Variants in TRIB2 observed in about 807,000 individuals in gnomAD.
TRIB2 encodes the protein tribbles pseudokinase 2.
Under a neutral mutation model 26.8 loss-of-function variants are expected in TRIB2, and 2 were observed. The observed-to-expected ratio is 0.07, with a 90% confidence interval of 0.03 to 0.24. The LOEUF (loss-of-function observed/expected upper bound fraction) is 0.24. Ranked by LOEUF, TRIB2 falls within the 10% of genes least tolerant of loss-of-function variation. The probability of loss-of-function intolerance (pLI) is 1.00; values close to 1 mark genes in which losing one functional copy is unlikely to be tolerated. For synonymous variants in TRIB2, 189 were observed against 187.3 expected, an observed-to-expected ratio of 1.01 and a Z score of -0.08; for missense variants, 306 against 449.0, an observed-to-expected ratio of 0.68 and a Z score of 2.88.
At chr2:12,726,377 C>T (rs906577654) in intron 2 of TRIB2, among the ~76,000 whole-genome samples, 4 of 152,184 alleles carry the variant, frequency 2.6e-5, no homozygotes, top group Non-Finnish European at 5.9e-5. Context: ...AGTTTCATGG[C>T]AGATTCTCTT....
chr2:12,725,706 A>T (rs1432114148), intron 2 of TRIB2, among the ~76,000 whole-genome samples: 1 of 152,246 alleles, frequency 6.6e-6, no homozygotes, highest in African/African-American at 2.4e-5. Context: ...TGTGAATGTG[A>T]AACCGAAACA....
chr2:12,719,446 C>G (rs1310554546), intron 1 of TRIB2, among the ~76,000 whole-genome samples: 1 of 151,928 alleles, frequency 6.6e-6, no homozygotes, highest in Non-Finnish European at 1.5e-5. Flanking sequence ...GTGCACCCAC[C>G]GGGCCCCAGA....
Position 12,740,329 on chromosome 2 carries a change from T to C in TRIB2, c.567T>C (p.Thr189=). 6.2e-7 allele frequency: 1 copy of C among 1,612,776 alleles called. No individual in the cohort carries two copies. Among genetic ancestry groups the C allele is most frequent in the Non-Finnish European group, 8.5e-7 (1 of 1,178,852 alleles). The change falls in exon 3 of 3, where the codon ACT becomes ACC. Residue 189 remains threonine, a synonymous_variant. Coordinates refer to ENST00000155926, the MANE Select transcript of TRIB2 (RefSeq NM_021643.4). The surrounding 1 kb of genome is among the most constrained non-coding windows in gnomAD (Gnocchi z 5.8). The stretch of plus-strand genomic sequence containing the variant: ...ATGTTTTCCTCCTTTCTTGCAGGAC[T>C]CGGGTCAAGCTGGAAAGCCTGGAAG... ...RKFIFKDEER[T]RVKLESLEDA...
At chr2:12,734,335 G>C (rs1481247326) in intron 2 of TRIB2, among the ~76,000 whole-genome samples, 1 of 152,166 alleles carries the variant, frequency 6.6e-6, no homozygotes, top group Non-Finnish European at 1.5e-5. Context: ...CTTCCAGGAA[G>C]CATATCCTGA....
At position 12,742,144 on chromosome 2, in the gene TRIB2, C is replaced by T. The variant is rs557226562; in HGVS notation, c.*1350C>T. 7.2e-5 allele frequency: 11 copies of T among 152,674 alleles called. No homozygotes were observed. The South Asian group carries it at 2.3e-3, about 32-fold the overall frequency. The allele number at this position is 152,674 out of a possible 1,614,324, so 9.5% of individuals were successfully genotyped here. ...CCTTTTACTTGGCTTTTCTAGATAG[C>T]TTTATTTGATTTCGAGTGGCAAAAT... On this transcript the variant is annotated 3_prime_UTR_variant, in exon 3 of 3. Transcript: ENST00000155926.
intron 2 of TRIB2, among the ~76,000 whole-genome samples, chr2:12,739,672 A>G (rs1661667553): frequency 6.6e-6 from 1 of 152,142 alleles, no homozygotes. Flanking sequence ...TAGCAGAAAG[A>G]GCAGCAGCAT....
At chr2:12,720,976 T>C (rs1661202679) in intron 1 of TRIB2, among the ~76,000 whole-genome samples, 1 of 152,176 alleles carries the variant, frequency 6.6e-6, no homozygotes, top group Admixed American at 6.5e-5. Flanking sequence ...TACTGCCTTA[T>C]CTGAACTGTC....
rs1661247589 is a variant in TRIB2, at chr2:12,722,746, G to T, written c.271-514G>T. 2.0e-5 allele frequency among the ~76,000 whole-genome samples: 3 copies of T among 152,140 alleles called. No individual in the cohort carries two copies. The South Asian group carries it at 6.2e-4, about 32-fold the overall frequency. ...TCCATATCTGTAAAATGAAAGTATT[G>T]AATTAGAGACCACTGGGCAAAAGCT... is the stretch of plus-strand genomic sequence containing the variant. On this transcript the variant is annotated intron_variant, in intron 1 of 2. Transcript: ENST00000155926.
chr2:12,730,173 T>G (rs888869047), intron 2 of TRIB2, among the ~76,000 whole-genome samples: 1 of 152,220 alleles, frequency 6.6e-6, no homozygotes, highest in Non-Finnish European at 1.5e-5. Flanking sequence ...TGTGTTTTAC[T>G]CATAACATGT....
chr2:12,728,281 C>G (rs554779446), intron 2 of TRIB2, among the ~76,000 whole-genome samples: 1 of 151,888 alleles, frequency 6.6e-6, no homozygotes, highest in Non-Finnish European at 1.5e-5. Flanking sequence ...ACCTAGCACA[C>G]AGTCAGCCAT....
chr2:12,734,115 T>C (rs1261392234), intron 2 of TRIB2, among the ~76,000 whole-genome samples: 1 of 152,168 alleles, frequency 6.6e-6, no homozygotes, highest in Non-Finnish European at 1.5e-5. Context: ...CAGGCACAGT[T>C]TGCAAAAGGC....
chr2:12,727,843 A>T (rs1338672696), intron 2 of TRIB2, among the ~76,000 whole-genome samples: 1 of 152,178 alleles, frequency 6.6e-6, no homozygotes, highest in African/African-American at 2.4e-5. Flanking sequence ...GTCTGTGTGT[A>T]GTAGCGGCCA....
chr2:12,723,274 C>T lies in TRIB2; in HGVS notation c.285C>T (p.Ser95=). 1.2e-6 allele frequency: 2 copies of T among 1,613,280 alleles called. No individual in the cohort carries two copies. The highest frequency in any genetic ancestry group is 1.7e-6 in the Non-Finnish European group (2 of 1,179,816). Reference sequence around the variant, plus strand: ...TCCTGTCGTAGGTGTTTGATATCAGCTGCTACCAGGAATCCCTGGCACCGT... The same window carrying T: ...TCCTGTCGTAGGTGTTTGATATCAGTTGCTACCAGGAATCCCTGGCACCGT... ...EELVCKVFDI[S]CYQESLAPCF... is the part of the protein sequence containing the mutation. Residue 95 remains serine (S), a synonymous_variant, in exon 2 of 3, where the codon AGC becomes AGT. Coordinates refer to ENST00000155926, the MANE Select transcript of TRIB2 (RefSeq NM_021643.4).
chr2:12,732,947 G>A lies in TRIB2; in HGVS notation c.564-7379G>A, dbSNP rs113109330. The stretch of plus-strand genomic sequence containing the variant: ...TGGATTTCACTGACCTTAGGCCACC[G>A]GACTTCCCATCCCTGCCAGGCCCAC... On this transcript the variant is annotated intron_variant, in intron 2 of 2. Coordinates refer to ENST00000155926, the MANE Select transcript of TRIB2 (RefSeq NM_021643.4). The surrounding 1 kb of genome is among the most constrained non-coding windows in gnomAD (Gnocchi z 4.2). Among the ~76,000 whole-genome samples, 501 of 152,250 alleles carry A rather than the reference G, an allele frequency of 3.3e-3. No homozygotes were observed. The highest frequency in any genetic ancestry group is 4.8e-3 in the Non-Finnish European group (325 of 68,018).
chr2:12,733,995 A>G (rs1661516200), intron 2 of TRIB2, among the ~76,000 whole-genome samples: 1 of 152,212 alleles, frequency 6.6e-6, no homozygotes, highest in Non-Finnish European at 1.5e-5. Context: ...GGATCCGGTG[A>G]CACAAGGCCT....
intron 2 of TRIB2, among the ~76,000 whole-genome samples, chr2:12,734,306 A>G (rs1274081034): frequency 6.6e-6 from 1 of 152,082 alleles, no homozygotes; most frequent in Non-Finnish European, 1.5e-5. Context: ...TTCTTCTCGG[A>G]CTGTTTCTGG....
At chr2:12,735,564 C>A (rs1661550999) in intron 2 of TRIB2, among the ~76,000 whole-genome samples, 1 of 152,142 alleles carries the variant, frequency 6.6e-6, no homozygotes, top group East Asian at 1.9e-4. Flanking sequence ...GGCTCATTGT[C>A]CATGAGAAAA....
At chr2:12,730,561 C>T (rs143299305) in intron 2 of TRIB2, among the ~76,000 whole-genome samples, 22 of 152,302 alleles carry the variant, frequency 1.4e-4, no homozygotes, top group South Asian at 4.1e-4. Context: ...GCCAACCCTG[C>T]GGGCAGTCCT....
intron 2 of TRIB2, among the ~76,000 whole-genome samples, chr2:12,725,544 C>T (rs1481127321): frequency 6.6e-6 from 1 of 152,188 alleles, no homozygotes; most frequent in Admixed American, 6.5e-5. Flanking sequence ...ATGAGTGTGT[C>T]ATCACACGCC....
Sources: gnomAD v4.1 joint callset for allele counts (sites outside exome capture counted in the v4.1 genomes callset) on GRCh38, gnomAD v4.1.1 for gene constraint, Gnocchi (gnomAD v3.1) non-coding constraint, MANE v1.5 for transcripts, NCBI Gene and HGNC (gene_info 2026-07-23, HGNC 2026-07-21) for gene names.